Variants in TYW3 observed in about 807,000 individuals in gnomAD.
TYW3 encodes tRNA-yW synthesizing protein 3 homolog, also known as tRNA wybutosine-synthesizing protein 3 homolog.
TYW3 carries 26 observed loss-of-function variants against 23.1 expected under a neutral mutation model. The ratio of observed to expected loss-of-function variants is 1.13; its 90% CI spans 0.83 to 1.56. The LOEUF (loss-of-function observed/expected upper bound fraction) is 1.56, where lower values mean the gene tolerates loss of function less well. Among genes scored for constraint, TYW3 ranks in the 40% most tolerant of loss-of-function variants. TYW3 has a pLI of 0.00. For missense variants in TYW3, 316 were observed against 311.9 expected (o/e 1.01, Z -0.10); for synonymous variants, 102 against 105.7 (o/e 0.97, Z 0.21).
intron 5 of TYW3, among the ~76,000 whole-genome samples, chr1:74,762,865 A>C (rs1570085318): frequency 6.6e-6 from 1 of 152,256 alleles, no homozygotes; most frequent in Non-Finnish European, 1.5e-5. Flanking sequence ...GTTAGGTGTT[A>C]ACATGAGGGT....
chr1:74,747,834 C>T (rs1029119351), intron 3 of TYW3, among the ~76,000 whole-genome samples: 2 of 150,326 alleles, frequency 1.3e-5, no homozygotes, highest in East Asian at 2.0e-4. Context: ...TATATGGGTG[C>T]GTATATATGT....
At chr1:74,741,908 A>T (rs1648376711) in intron 3 of TYW3, among the ~76,000 whole-genome samples, 1 of 152,170 alleles carries the variant, frequency 6.6e-6, no homozygotes, top group Non-Finnish European at 1.5e-5. Context: ...GGCACAGTGA[A>T]GGTGATATTG....
chr1:74,754,543 G>A (rs1423381927), intron 5 of TYW3, among the ~76,000 whole-genome samples: 1 of 152,044 alleles, frequency 6.6e-6, no homozygotes, highest in Non-Finnish European at 1.5e-5. Flanking sequence ...AAATCCTTGA[G>A]GTGATGAGTT....
chr1:74,739,272 G>T (rs1042171474), intron 3 of TYW3, among the ~76,000 whole-genome samples: 2 of 152,098 alleles, frequency 1.3e-5, no homozygotes, highest in Admixed American at 1.3e-4. Flanking sequence ...AGTGTGTCAA[G>T]TACTAGGGGC....
In TYW3 at chr1:74,733,219, G is replaced by A. The variant is rs370165791; in HGVS notation, c.-26G>A. 6.2e-7 allele frequency: 1 copy of A among 1,611,332 alleles called. No homozygotes were observed. Among genetic ancestry groups the A allele is most frequent in the Non-Finnish European group, 8.5e-7 (1 of 1,178,546 alleles). On this transcript the variant is annotated 5_prime_UTR_variant, in exon 1 of 6. Coordinates refer to ENST00000370867, the MANE Select transcript of TYW3 (RefSeq NM_138467.3). Reference sequence around the variant, plus strand: ...GAGACGAGGCTACCATGAAGGAGCCGAGCGCAGACCCTGAGTCCGTCACCC... The same window carrying A: ...GAGACGAGGCTACCATGAAGGAGCCAAGCGCAGACCCTGAGTCCGTCACCC...
At chr1:74,754,679 G>GTGA (rs1168913349) in intron 5 of TYW3, among the ~76,000 whole-genome samples, 2 of 152,006 alleles carry the variant, frequency 1.3e-5, no homozygotes, top group Non-Finnish European at 2.9e-5. Context: ...TTCTATAAAT[G>GTGA]TGAAAATTAA....
intron 1 of TYW3, among the ~76,000 whole-genome samples, chr1:74,733,951 C>T (rs1176114554): frequency 1.3e-5 from 2 of 150,954 alleles, no homozygotes; most frequent in Non-Finnish European, 2.9e-5. Context: ...AAAGTACGAT[C>T]GTATATAATT....
At chr1:74,750,700 G>T (rs992385755) in intron 4 of TYW3, among the ~76,000 whole-genome samples, 3 of 151,636 alleles carry the variant, frequency 2.0e-5, no homozygotes, top group Non-Finnish European at 4.4e-5. Flanking sequence ...TAGAACTATT[G>T]GTTGTTTTCC....
At position 74,766,094 on chromosome 1, in the gene TYW3, A is replaced by G. The variant is rs959191947; in HGVS notation, c.*1981A>G. 6.6e-6 allele frequency: 1 copy of G among 152,052 alleles called. No homozygotes were observed. The highest frequency in any genetic ancestry group is 1.5e-5 in the Non-Finnish European group (1 of 68,020). The allele number at this position is 152,052 out of a possible 1,614,324, so 9.4% of individuals were successfully genotyped here. A position where few individuals can be genotyped will look rare whatever the true frequency, so the allele number is the denominator to read the frequency against. On this transcript the variant is annotated 3_prime_UTR_variant, in exon 6 of 6. Coordinates refer to ENST00000370867, the MANE Select transcript of TYW3 (RefSeq NM_138467.3). ...ACCTGAAAAATTCCTATTGCTAGTG[A>G]TGTGGTCATTGTAAAGCTGTAGCAC...
intron 4 of TYW3, among the ~76,000 whole-genome samples, 200 bp from the exon 5 acceptor site, chr1:74,752,092 A>G (rs1648804039): frequency 6.6e-6 from 1 of 152,252 alleles, no homozygotes; most frequent in Non-Finnish European, 1.5e-5. Flanking sequence ...TTCTTTAGAA[A>G]TGACTGTAGA....
chr1:74,757,498 C>T (rs941638915), intron 5 of TYW3, among the ~76,000 whole-genome samples: 1 of 152,116 alleles, frequency 6.6e-6, no homozygotes, highest in Non-Finnish European at 1.5e-5. Flanking sequence ...GGCCTGTAGC[C>T]CTTTTATTTT....
intron 3 of TYW3, among the ~76,000 whole-genome samples, chr1:74,744,281 T>C (rs1465451830): frequency 1.3e-5 from 2 of 152,104 alleles, no homozygotes; most frequent in African/African-American, 4.8e-5. Flanking sequence ...ACCTTCCCTG[T>C]TACAGAAAAG....
intron 5 of TYW3, among the ~76,000 whole-genome samples, chr1:74,758,618 A>T (rs1426722708): frequency 2.3e-5 from 2 of 85,668 alleles, no homozygotes; most frequent in Non-Finnish European, 4.6e-5. Context: ...AGCCATTTTC[A>T]TGGTTCTGAT....
intron 3 of TYW3, among the ~76,000 whole-genome samples, chr1:74,740,115 G>A (rs1422066999): frequency 6.6e-6 from 1 of 152,184 alleles, no homozygotes; most frequent in Admixed American, 6.5e-5. Context: ...CAGTGAGTGT[G>A]ACAGTTCTTA....
chr1:74,747,843 G>A (rs989805303), intron 3 of TYW3, among the ~76,000 whole-genome samples: 12 of 151,190 alleles, frequency 7.9e-5, no homozygotes, highest in Admixed American at 6.6e-4. Context: ...GCGTATATAT[G>A]TGTATACACA....
chr1:74,733,909 A>G (rs1202789428), intron 1 of TYW3, among the ~76,000 whole-genome samples: 1 of 152,184 alleles, frequency 6.6e-6, no homozygotes, highest in Admixed American at 6.5e-5. Context: ...GAGCCCCTCC[A>G]TTATTACAAC....
intron 4 of TYW3, among the ~76,000 whole-genome samples, chr1:74,751,697 G>A (rs1347645431): frequency 2.0e-5 from 3 of 151,960 alleles, no homozygotes; most frequent in South Asian, 2.1e-4. Flanking sequence ...AATGTATGGA[G>A]TGAATTTTTA....
intron 3 of TYW3, among the ~76,000 whole-genome samples, chr1:74,741,341 G>A (rs1191253356): frequency 6.7e-6 from 1 of 150,028 alleles, no homozygotes; most frequent in African/African-American, 2.4e-5. Context: ...GTCCTCCAAT[G>A]GTTCGCAGGT....
chr1:74,745,221 C>G (rs917799345), intron 3 of TYW3, among the ~76,000 whole-genome samples: 4 of 152,198 alleles, frequency 2.6e-5, no homozygotes, highest in African/African-American at 4.8e-5. Context: ...AAAGAGTGAG[C>G]AGCAGCAAGA....
Sources: allele counts gnomAD v4.1 joint callset (sites outside exome capture counted in the v4.1 genomes callset), GRCh38; gene constraint gnomAD v4.1.1; transcripts MANE v1.5; gene names NCBI Gene and HGNC (gene_info 2026-07-23, HGNC 2026-07-21).